The following CNKSR2 variants were observed in gnomAD, a reference collection of about 807,000 sequenced individuals.
CNKSR2 encodes the protein CNK homolog protein 2.
Under a neutral mutation model 84.4 loss-of-function variants are expected in CNKSR2, and 14 were observed. That is an observed-to-expected ratio of 0.17 (90% CI 0.11 to 0.26). CNKSR2 has a LOEUF of 0.26. Among genes scored for constraint, CNKSR2 ranks in the 10% least tolerant of loss-of-function variants. CNKSR2 has a pLI of 1.00. For synonymous variants in CNKSR2, 275 were observed against 277.9 expected (o/e 0.99, Z 0.10); for missense variants, 485 against 771.2 (o/e 0.63, Z 4.40).
intron 9 of CNKSR2, among the ~76,000 whole-genome samples, chrX:21,518,609 CA>C (rs2091752316): frequency 9.0e-6 from 1 of 111,104 alleles, no homozygotes; most frequent in Non-Finnish European, 1.9e-5. Context: ...GTTACATATA[CA>C]TTGGGTGTAG....
At chrX:21,401,742 G>A (rs1272134665) in intron 1 of CNKSR2, among the ~76,000 whole-genome samples, 1 of 111,439 alleles carries the variant, frequency 9.0e-6, no homozygotes, top group Non-Finnish European at 1.9e-5. Context: ...ATTCTGGAAG[G>A]AACAAAGAAA....
rs983052701 is a variant in CNKSR2 at position 21,621,704 on chromosome X, G to A, written c.2692+12087G>A. ...ATATTACAGTATCTTTATTCATAGG[G>A]TATCAGGTAAAATTTCATCTTATGT... is the stretch of plus-strand genomic sequence containing the variant. On this transcript the variant is annotated intron_variant, in intron 20 of 21. Transcript: ENST00000379510. Among the ~76,000 whole-genome samples the A allele has an allele frequency of 4.5e-5, 5 of 110,713 alleles. No homozygotes were observed. The Admixed American group carries it at 4.8e-4, about 11-fold the overall frequency.
chrX:21,594,126 G>A (rs1453683088), intron 15 of CNKSR2: 1 of 112,279 alleles, frequency 8.9e-6, no homozygotes. Flanking sequence ...ATACACCATG[G>A]AATACTACGC....
chrX:21,517,732 A>G (rs2091742628), intron 9 of CNKSR2, among the ~76,000 whole-genome samples: 3 of 111,329 alleles, frequency 2.7e-5, no homozygotes, highest in Admixed American at 9.6e-5. Flanking sequence ...ATTAAAAAAA[A>G]ATAGGCCCAT....
intron 5 of CNKSR2, 101 bp downstream of exon 5, chrX:21,470,908 T>C: frequency 2.7e-6 from 1 of 367,709 alleles, no homozygotes; most frequent in East Asian, 4.4e-5. Context: ...ACCACATCAG[T>C]TAAGTGTATT....
intron 1 of CNKSR2, among the ~76,000 whole-genome samples, chrX:21,406,215 G>A (rs1037597716): frequency 1.8e-5 from 2 of 111,284 alleles, no homozygotes; most frequent in Admixed American, 1.9e-4. Context: ...TCTAGGTTGT[G>A]CACTTCTTAT....
chrX:21,407,734 G>A (rs187658483), intron 1 of CNKSR2, among the ~76,000 whole-genome samples: 60 of 111,227 alleles, frequency 5.4e-4, no homozygotes, highest in African/African-American at 1.7e-3. Flanking sequence ...AGATCAGAGC[G>A]CTTTGTTCAT....
chrX:21,635,408 GTA>G (rs1199258753), intron 20 of CNKSR2, among the ~76,000 whole-genome samples: 49 of 88,500 alleles, frequency 5.5e-4, no homozygotes, highest in East Asian at 4.6e-3. Flanking sequence ...GTGTGTGTGT[GTA>G]TATATACACA....
chrX:21,468,902 C>T (rs1276877210), intron 4 of CNKSR2, among the ~76,000 whole-genome samples: 7 of 111,955 alleles, frequency 6.3e-5, no homozygotes, highest in African/African-American at 2.3e-4. Flanking sequence ...TTATAAAGCA[C>T]ACACAGCAGA....
At chrX:21,515,556 T>TA (rs1569216242) in intron 8 of CNKSR2, among the ~76,000 whole-genome samples, 2 of 111,442 alleles carry the variant, frequency 1.8e-5, no homozygotes, top group African/African-American at 6.5e-5. Flanking sequence ...TGAATTTTTT[T>TA]TAAAAAAAAC....
intron 5 of CNKSR2, among the ~76,000 whole-genome samples, chrX:21,489,480 G>A (rs2091420894): frequency 9.0e-6 from 1 of 111,109 alleles, no homozygotes; most frequent in Non-Finnish European, 1.9e-5. Flanking sequence ...ATGAAAATCA[G>A]GCTTCAGTAA....
intron 20 of CNKSR2, among the ~76,000 whole-genome samples, chrX:21,633,894 A>T (rs2092658493): frequency 8.9e-6 from 1 of 112,152 alleles, no homozygotes; most frequent in Non-Finnish European, 1.9e-5. Context: ...TCCATCCCAA[A>T]TCCAAGATGA....
intron 11 of CNKSR2, among the ~76,000 whole-genome samples, chrX:21,560,959 G>A (rs1481317302): frequency 9.0e-6 from 1 of 110,567 alleles, no homozygotes; most frequent in Non-Finnish European, 1.9e-5. Flanking sequence ...TTGAGGCATG[G>A]TGGTGTCCAA....
intron 3 of CNKSR2, among the ~76,000 whole-genome samples, chrX:21,436,103 A>G (rs1338478606): frequency 8.9e-6 from 1 of 111,848 alleles, no homozygotes; most frequent in Non-Finnish European, 1.9e-5. Flanking sequence ...TACAGAGACC[A>G]AGAAAACCAC....
intron 20 of CNKSR2, among the ~76,000 whole-genome samples, chrX:21,613,439 T>A (rs1463674307): frequency 8.9e-6 from 1 of 111,938 alleles, no homozygotes; most frequent in Non-Finnish European, 1.9e-5. Context: ...ATGTCCTTTA[T>A]CATTGTCTTG....
chrX:21,476,846 C>T (rs2091265293), intron 5 of CNKSR2, among the ~76,000 whole-genome samples: 1 of 111,889 alleles, frequency 8.9e-6, no homozygotes, highest in East Asian at 2.8e-4. Flanking sequence ...TGATCTTTTC[C>T]TTCCAGTTAG....
intron 13 of CNKSR2, among the ~76,000 whole-genome samples, chrX:21,583,977 C>A (rs978716919): frequency 8.9e-6 from 1 of 112,207 alleles, no homozygotes; most frequent in East Asian, 2.8e-4. Flanking sequence ...AAAATACTTT[C>A]ATAATAGCCT....
chrX:21,549,883 T>C (rs772107662), intron 11 of CNKSR2, among the ~76,000 whole-genome samples: 7 of 112,156 alleles, frequency 6.2e-5, no homozygotes, highest in Non-Finnish European at 9.4e-5. Context: ...AAACTGAAAC[T>C]GGACCCCTTC....
rs576920170 is a variant in CNKSR2, at chrX:21,476,973, A to G, written c.561+6166A>G. Among the ~76,000 whole-genome samples, 9 of 111,479 alleles carry G rather than the reference A, an allele frequency of 8.1e-5. No homozygotes were observed. The South Asian group carries it at 2.7e-3, about 33-fold the overall frequency. On this transcript the variant is annotated intron_variant, in intron 5 of 21. Coordinates refer to ENST00000379510, the MANE Select transcript of CNKSR2 (RefSeq NM_014927.5). ...GAGAATCTGGAATTTTCAGTTCTAT[A>G]CTCTACTTACTCCTCACTCCTGCCT...
Sources: allele counts gnomAD v4.1 joint callset (sites outside exome capture counted in the v4.1 genomes callset), GRCh38; gene constraint gnomAD v4.1.1; transcripts MANE v1.5; gene names NCBI Gene and HGNC (gene_info 2026-07-23, HGNC 2026-07-21).